Variants in IPO5 observed in about 807,000 individuals in gnomAD.
IPO5 encodes importin-5.
Under a neutral mutation model 143.3 loss-of-function variants are expected in IPO5, and 18 were observed. The ratio of observed to expected loss-of-function variants is 0.13; its 90% CI spans 0.09 to 0.19. IPO5 has a LOEUF of 0.19. Ranked by LOEUF, IPO5 falls within the 10% of genes least tolerant of loss-of-function variation. The pLI, the probability that IPO5 is intolerant of heterozygous loss-of-function variation, is 1.00. For synonymous variants in IPO5, 477 were observed against 465.7 expected (o/e 1.02, Z -0.31); for missense variants, 1,013 against 1,336.9 (o/e 0.76, Z 3.78).
intron 4 of IPO5, among the ~76,000 whole-genome samples, chr13:97,980,370 T>C (rs965582654): frequency 6.6e-6 from 1 of 152,194 alleles, no homozygotes; most frequent in African/African-American, 2.4e-5. Flanking sequence ...TCTCCCACCA[T>C]TGGCTTCTAA....
chr13:97,970,290 A>G (rs1885709529), intron 3 of IPO5, among the ~76,000 whole-genome samples: 1 of 152,152 alleles, frequency 6.6e-6, no homozygotes, highest in African/African-American at 2.4e-5. Flanking sequence ...TTAATTTCCT[A>G]CTAAGTCTTT....
intron 5 of IPO5, 115 bp downstream of exon 5, chr13:97,982,698 A>T: frequency 2.9e-6 from 2 of 690,270 alleles, no homozygotes; most frequent in Non-Finnish European, 4.9e-6. Flanking sequence ...CTTTACTAGA[A>T]CTTTGTACTT....
At chr13:98,014,690 T>G (rs532787099) in intron 22 of IPO5, among the ~76,000 whole-genome samples, 2 of 152,166 alleles carry the variant, frequency 1.3e-5, no homozygotes, top group Non-Finnish European at 2.9e-5. Flanking sequence ...GGGAATGATA[T>G]GGGCAGCAGC....
At chr13:98,019,054 C>T (rs1171046931) in intron 26 of IPO5, among the ~76,000 whole-genome samples, 1 of 151,902 alleles carries the variant, frequency 6.6e-6, no homozygotes, top group African/African-American at 2.4e-5. Flanking sequence ...CTCCCGGGTT[C>T]GAGCAATTCT....
At chr13:98,009,223 C>T (rs1288067159) in intron 18 of IPO5, among the ~76,000 whole-genome samples, 1 of 152,194 alleles carries the variant, frequency 6.6e-6, no homozygotes, top group Non-Finnish European at 1.5e-5. Flanking sequence ...TGTGTCCATG[C>T]ATGCTCAATA....
rs1002401620 is a variant in IPO5, at chr13:98,015,756, A to T, written c.2468A>T (p.Gln823Leu). 5 of 1,610,378 alleles carry T rather than the reference A, an allele frequency of 3.1e-6. No individual in the cohort carries two copies. In the African/African-American group the frequency reaches 6.7e-5, roughly 22 times the overall value. Residue 823 changes from glutamine to leucine, a missense_variant, in exon 24 of 29, where the codon CAG becomes CTG. By Grantham distance (113) the Gln-to-Leu change is moderately radical. Transcript: ENST00000651721. ...AGACAAGATGAAGACTATGATGAAC[A>T]GGTCGAAGAGTCACTACAAGATGAG... ...VKRQDEDYDE[Q>L]VEESLQDEDD...
intron 21 of IPO5, 28 bp downstream of exon 21, chr13:98,012,370 A>G: frequency 7.9e-7 from 1 of 1,267,322 alleles, no homozygotes; most frequent in Non-Finnish European, 1.2e-6. Flanking sequence ...AATACAAAAC[A>G]TGTCTAGATT....
chr13:98,010,127 A>G lies in IPO5; in HGVS notation c.1958A>G (p.Asp653Gly), dbSNP rs1310429180. ...LDTQDMENMS[D>G]DDGWEFVNLG... Reference sequence around the variant, plus strand: ...GCCCAAGACATGGAGAATATGAGTGATGATGATGGTTGGGAATTTGTGAAC... The same window carrying G: ...GCCCAAGACATGGAGAATATGAGTGGTGATGATGGTTGGGAATTTGTGAAC... Residue 653 changes from aspartate (D) to glycine (G), a missense_variant, in exon 20 of 29, where the codon GAT (aspartate) becomes GGT (glycine). This residue lies in a region of IPO5 where 685 missense variants were observed against 994.9 expected (regional missense o/e 0.69). Transcript: ENST00000651721. 6.2e-7 allele frequency: 1 copy of G among 1,614,098 alleles called. No individual in the cohort carries two copies. The highest frequency in any genetic ancestry group is 1.3e-5 in the African/African-American group (1 of 75,060).
intron 26 of IPO5, 57 bp downstream of exon 26, chr13:98,018,761 C>T (rs1890284409): frequency 1.6e-6 from 2 of 1,226,140 alleles, no homozygotes; most frequent in Non-Finnish European, 2.4e-6. Flanking sequence ...TGAATCCCTA[C>T]TTTACTCTCT....
intron 18 of IPO5, among the ~76,000 whole-genome samples, 182 bp downstream of exon 18, chr13:98,008,324 G>A (rs1226153639): frequency 6.6e-6 from 1 of 152,094 alleles, no homozygotes; most frequent in Non-Finnish European, 1.5e-5. Flanking sequence ...TCTGTTGTAG[G>A]TTGCTCTTGC....
At chr13:97,967,003 T>G (rs1324202886) in intron 2 of IPO5, among the ~76,000 whole-genome samples, 1 of 152,128 alleles carries the variant, frequency 6.6e-6, no homozygotes, top group Non-Finnish European at 1.5e-5. Flanking sequence ...GCCACTGCAC[T>G]CCAGCCTGGG....
chr13:97,990,993 A>C (rs911634896), intron 9 of IPO5, among the ~76,000 whole-genome samples: 3 of 152,186 alleles, frequency 2.0e-5, no homozygotes, highest in African/African-American at 7.2e-5. Context: ...ATCAGAAAGC[A>C]AAATAAGATG....
chr13:97,990,476 C>G lies in IPO5; in HGVS notation c.608C>G (p.Ala203Gly). The change falls in exon 9 of 29, where the codon GCA becomes GGA. Residue 203 changes from alanine to glycine, a missense_variant. Coordinates refer to ENST00000651721, the MANE Select transcript of IPO5 (RefSeq NM_002271.6). Reference sequence around the variant, plus strand: ...AGAGCTACAGCTGCATTTATACTTGCAAATGAGCATAATGTTGCTCTGTTC... The same window carrying G: ...AGAGCTACAGCTGCATTTATACTTGGAAATGAGCATAATGTTGCTCTGTTC... Reference protein sequence around the residue: ...SARATAAFILANEHNVALFKH... With the variant: ...SARATAAFILGNEHNVALFKH... 1.6e-5 allele frequency: 25 copies of G among 1,606,796 alleles called. No individual in the cohort carries two copies. The highest frequency in any genetic ancestry group is 2.0e-5 in the Non-Finnish European group (24 of 1,178,332).
At chr13:97,998,912 G>T (rs1888523028) in intron 12 of IPO5, among the ~76,000 whole-genome samples, 1 of 152,124 alleles carries the variant, frequency 6.6e-6, no homozygotes, top group Admixed American at 6.5e-5. Flanking sequence ...GTGGGCAGAG[G>T]CAGGCAGATC....
At chr13:97,995,620 G>T (rs1284823231) in intron 11 of IPO5, among the ~76,000 whole-genome samples, 1 of 152,036 alleles carries the variant, frequency 6.6e-6, no homozygotes. Flanking sequence ...GCCGGGCGTG[G>T]TGGCGGGCGC....
intron 2 of IPO5, among the ~76,000 whole-genome samples, chr13:97,968,925 G>C (rs987100939): frequency 1.7e-4 from 26 of 151,676 alleles, no homozygotes; most frequent in Admixed American, 3.3e-4. Flanking sequence ...CCGACCTCAA[G>C]TGATCCACCC....
chr13:97,975,905 C>T, intron 3 of IPO5: 1 of 985,498 alleles, frequency 1.0e-6, no homozygotes, highest in Non-Finnish European at 1.2e-6. Flanking sequence ...AGGCGTGAGT[C>T]ACTGGAGAGC....
intron 4 of IPO5, among the ~76,000 whole-genome samples, chr13:97,978,104 A>T (rs1023445482): frequency 1.3e-5 from 2 of 152,226 alleles, no homozygotes; most frequent in Non-Finnish European, 2.9e-5. Context: ...TATTCACTTC[A>T]TTAAGTTTTT....
Position 97,993,032 on chromosome 13 carries a change from G to C in IPO5, c.792+18G>C. The C allele has an allele frequency of 6.2e-7, 1 of 1,611,682 alleles. No individual in the cohort carries two copies. The highest frequency in any genetic ancestry group is 1.1e-5 in the South Asian group (1 of 90,868). On this transcript the variant is annotated intron_variant, in intron 10 of 28. Coordinates refer to ENST00000651721, the MANE Select transcript of IPO5 (RefSeq NM_002271.6). ...GTCTAAAGGTAAATTAAGTACGTTA[G>C]TAAACGTTCTGTTTGTTATTTTCAG...
Sources: gnomAD v4.1 joint callset for allele counts (sites outside exome capture counted in the v4.1 genomes callset) on GRCh38, gnomAD v4.1.1 for gene constraint, gnomAD v4.1.1 regional missense constraint, MANE v1.5 for transcripts, NCBI Gene and HGNC (gene_info 2026-07-23, HGNC 2026-07-21) for gene names.